Variants in SMIM19 observed in about 807,000 individuals in gnomAD.
SMIM19 encodes the protein UPF0697 protein C8orf40.
SMIM19 carries 6 observed loss-of-function variants against 13.2 expected under a neutral mutation model. The ratio of observed to expected loss-of-function variants is 0.45; its 90% CI spans 0.25 to 0.90. The LOEUF (loss-of-function observed/expected upper bound fraction) is 0.90. SMIM19 is among the 40% of genes least tolerant of loss of function. The probability of loss-of-function intolerance (pLI) is 0.19; values close to 1 mark genes in which losing one functional copy is unlikely to be tolerated. For synonymous variants in SMIM19, 46 were observed against 43.1 expected, an observed-to-expected ratio of 1.07 and a Z score of -0.27; for missense variants, 138 against 131.0, an observed-to-expected ratio of 1.05 and a Z score of -0.26.
chr8:42,550,717 C>T (rs1425410453), intron 3 of SMIM19, among the ~76,000 whole-genome samples: 1 of 152,158 alleles, frequency 6.6e-6, no homozygotes, highest in Non-Finnish European at 1.5e-5. Flanking sequence ...TCTTCAGAGT[C>T]CCTTTTGTCT....
intron 2 of SMIM19, among the ~76,000 whole-genome samples, chr8:42,547,220 C>T (rs1586326717): frequency 2.6e-5 from 4 of 152,000 alleles, no homozygotes; most frequent in African/African-American, 9.7e-5. Flanking sequence ...ATTAGCTGGG[C>T]GTGATGGCGT....
rs779995505 is a variant in SMIM19, at chr8:42,546,481, G to C, written c.9G>C (p.Gly3=). ...TTCTCTCTTACAGCCCCATGGCTGG[G>C]GGTTATGGAGTGATGGGTGACGATG... MA[G]GYGVMGDDGS... Residue 3 remains glycine (G), a synonymous_variant, in exon 2 of 4, where the codon GGG becomes GGC. Transcript: ENST00000417410. 6.2e-7 allele frequency: 1 copy of C among 1,609,662 alleles called. No individual in the cohort carries two copies. Among genetic ancestry groups the C allele is most frequent in the Non-Finnish European group, 8.5e-7 (1 of 1,178,924 alleles).
rs1586333145 is a variant in SMIM19, at chr8:42,552,667, A to G, written c.*59A>G. 13 of 1,534,674 alleles carry G rather than the reference A, an allele frequency of 8.5e-6. No individual in the cohort carries two copies. The highest frequency in any genetic ancestry group is 1.1e-5 in the Non-Finnish European group (12 of 1,115,040). The stretch of plus-strand genomic sequence containing the variant: ...TCAAGCTCCTGATTCTTTCTACTAA[A>G]TCATGAACAGCTTTAAAAACATTTC... On this transcript the variant is annotated 3_prime_UTR_variant, in exon 4 of 4. Transcript: ENST00000417410.
At chr8:42,550,064 C>A (rs914181611) in intron 3 of SMIM19, among the ~76,000 whole-genome samples, 59 of 151,944 alleles carry the variant, frequency 3.9e-4, no homozygotes, top group African/African-American at 1.3e-3. Context: ...CCATTACACT[C>A]CAGCCTGGGG....
chr8:42,544,741 CA>C (rs888861968), intron 1 of SMIM19, among the ~76,000 whole-genome samples: 8 of 152,200 alleles, frequency 5.3e-5, no homozygotes, highest in Non-Finnish European at 8.8e-5. Flanking sequence ...AAACATCTGA[CA>C]AAGTCACGTT....
At chr8:42,542,900 A>G (rs938420093) in intron 1 of SMIM19, among the ~76,000 whole-genome samples, 1 of 150,654 alleles carries the variant, frequency 6.6e-6, no homozygotes, top group Non-Finnish European at 1.5e-5. Context: ...GAATCCCTCG[A>G]TTCTGGGACG....
chr8:42,544,303 C>T (rs189778135), intron 1 of SMIM19, among the ~76,000 whole-genome samples: 2 of 151,638 alleles, frequency 1.3e-5, no homozygotes, highest in Admixed American at 1.3e-4. Flanking sequence ...CCCAGCTAGT[C>T]AGGAGGCTGA....
At chr8:42,545,781 C>T (rs1007423940) in intron 1 of SMIM19, among the ~76,000 whole-genome samples, 4 of 152,188 alleles carry the variant, frequency 2.6e-5, no homozygotes, top group African/African-American at 9.6e-5. Flanking sequence ...TCACCCACCT[C>T]GGCCTCCCAG....
intron 3 of SMIM19, among the ~76,000 whole-genome samples, chr8:42,550,137 G>A (rs558814421): frequency 2.0e-5 from 3 of 152,092 alleles, no homozygotes; most frequent in Admixed American, 2.0e-4. Flanking sequence ...AGCTCTGTAT[G>A]AAAAATTCTA....
At chr8:42,550,687 A>G (rs1448496396) in intron 3 of SMIM19, among the ~76,000 whole-genome samples, 1 of 152,164 alleles carries the variant, frequency 6.6e-6, no homozygotes, top group Admixed American at 6.5e-5. Flanking sequence ...CCCCATGTCA[A>G]GGTCCCTACC....
At chr8:42,550,227 A>G (rs1813627919) in intron 3 of SMIM19, among the ~76,000 whole-genome samples, 1 of 152,226 alleles carries the variant, frequency 6.6e-6, no homozygotes, top group African/African-American at 2.4e-5. Flanking sequence ...TAGCAGATAC[A>G]TTACAAACCC....
chr8:42,554,816 T>C lies in SMIM19; in HGVS notation c.*2208T>C, dbSNP rs1255834736. 1 of 152,240 alleles carries C rather than the reference T, an allele frequency of 6.6e-6. No individual in the cohort carries two copies. Among genetic ancestry groups the C allele is most frequent in the Non-Finnish European group, 1.5e-5 (1 of 68,048 alleles). 9.4% of individuals were successfully genotyped at this position (152,240 alleles called of 1,614,324 possible). On this transcript the variant is annotated 3_prime_UTR_variant, in exon 4 of 4. Transcript: ENST00000417410. The stretch of plus-strand genomic sequence containing the variant: ...TACTAATAAGCTAGTAATTAACCCT[T>C]GTATTCTTTTTCTGGTTTCATCTTC...
At chr8:42,545,962 A>G (rs1219565608) in intron 1 of SMIM19, among the ~76,000 whole-genome samples, 1 of 152,182 alleles carries the variant, frequency 6.6e-6, no homozygotes, top group Non-Finnish European at 1.5e-5. Context: ...CAGATTGTAA[A>G]TATTTTAGGT....
Position 42,553,236 on chromosome 8 carries a change from C to G in SMIM19, c.*628C>G, listed in dbSNP as rs147242753. On this transcript the variant is annotated 3_prime_UTR_variant, in exon 4 of 4. Coordinates refer to ENST00000417410, the MANE Select transcript of SMIM19 (RefSeq NM_001135674.2). ...CTTCTTCAGAACTTGTATGGTAGAC[C>G]GTCTTTTCTACAGCATGATGCATAC... is the stretch of plus-strand genomic sequence containing the variant. 1.3e-5 allele frequency: 2 copies of G among 152,040 alleles called. No individual in the cohort carries two copies. The highest frequency in any genetic ancestry group is 4.8e-5 in the African/African-American group (2 of 41,384). 9.4% of individuals were successfully genotyped at this position (152,040 alleles called of 1,614,324 possible).
In SMIM19 at chr8:42,552,728, C is replaced by T; in HGVS notation, c.*120C>T. ...AAATTATTTTACTTGTAACTTTTCC[C>T]CAATTGTTCTGTGCATTGTTTTGCC... On this transcript the variant is annotated 3_prime_UTR_variant, in exon 4 of 4. Transcript: ENST00000417410. The T allele has an allele frequency of 1.6e-6, 2 of 1,236,776 alleles. No homozygotes were observed. The highest frequency in any genetic ancestry group is 2.4e-5 in the East Asian group (1 of 41,862). 76.6% of individuals were successfully genotyped at this position (1,236,776 alleles called of 1,614,324 possible).
At chr8:42,549,865 G>A (rs1355530036) in intron 3 of SMIM19, among the ~76,000 whole-genome samples, 2 of 152,094 alleles carry the variant, frequency 1.3e-5, no homozygotes, top group African/African-American at 4.8e-5. Flanking sequence ...GGGAGTCTGA[G>A]ACAGGTGGAT....
rs760951604 is a variant in SMIM19 at position 42,552,597 on chromosome 8, T to C, written c.313T>C (p.Ser105Pro). 1.2e-6 allele frequency: 2 copies of C among 1,614,086 alleles called. No individual in the cohort carries two copies. Among genetic ancestry groups the C allele is most frequent in the African/African-American group, 1.3e-5 (1 of 75,062 alleles). Reference protein sequence around the residue: ...PQNQADSVQLSLE With the variant: ...PQNQADSVQLPLE ...AAACCAAGCTGACAGTGTGCAACTC[T>C]CATTGGAATGAAACCTCAGAAAAAG... The change falls in exon 4 of 4, where the codon TCA (serine) becomes CCA (proline). Residue 105 changes from serine to proline, a missense_variant. By Grantham distance (74) the Ser-to-Pro change is moderately conservative (BLOSUM62 -1). Coordinates refer to ENST00000417410, the MANE Select transcript of SMIM19 (RefSeq NM_001135674.2).
rs1363099415 is a variant in SMIM19 at position 42,541,805 on chromosome 8, G to C, written c.-573G>C. On this transcript the variant is annotated 5_prime_UTR_variant, in exon 1 of 4. Coordinates refer to ENST00000417410, the MANE Select transcript of SMIM19 (RefSeq NM_001135674.2). ...GCCCCGCCCCGGACGCGGGGGTAAG[G>C]GGGGTGGCCGCCCGCCTGCCCTCGG... 6.6e-6 allele frequency: 1 copy of C among 150,462 alleles called. No homozygotes were observed. Among genetic ancestry groups the C allele is most frequent in the African/African-American group, 2.4e-5 (1 of 41,126 alleles). The allele number at this position is 150,462 out of a possible 1,614,324, so 9.3% of individuals were successfully genotyped here.
chr8:42,546,510 C>T lies in SMIM19; in HGVS notation c.38C>T (p.Ser13Phe), dbSNP rs759076675. 5.0e-6 allele frequency: 8 copies of T among 1,613,692 alleles called. No homozygotes were observed. The highest frequency in any genetic ancestry group is 5.9e-6 in the Non-Finnish European group (7 of 1,179,948). The change falls in exon 2 of 4, where the codon TCT (serine) becomes TTT (phenylalanine). Residue 13 changes from serine (S) to phenylalanine (F), a missense_variant. Transcript: ENST00000417410. ...TATGGAGTGATGGGTGACGATGGTT[C>T]TATTGATTATACTGTTCACGAAGCC... ...GGYGVMGDDG[S>F]IDYTVHEAWN...
Sources: gnomAD v4.1 joint callset for allele counts (sites outside exome capture counted in the v4.1 genomes callset) on GRCh38, gnomAD v4.1.1 for gene constraint, MANE v1.5 for transcripts, NCBI Gene and HGNC (gene_info 2026-07-23, HGNC 2026-07-21) for gene names.